GNAT3: variants seen among roughly 807,000 people sequenced by gnomAD.
GNAT3 encodes G protein subunit alpha transducin 3, also known as guanine nucleotide-binding protein G(t) subunit alpha-3.
A neutral mutation model predicts 37.7 loss-of-function variants in GNAT3; 31 were observed. That is an observed-to-expected ratio of 0.82 (90% confidence interval 0.62 to 1.11). The LOEUF is 1.11. Ranked by LOEUF, GNAT3 falls within the 50% of genes most tolerant of loss-of-function variation. The pLI is 0.00. For synonymous variants in GNAT3, 138 were observed against 139.8 expected (o/e 0.99, Z 0.09); for missense variants, 437 against 412.5 (o/e 1.06, Z -0.51).
intron 7 of GNAT3, among the ~76,000 whole-genome samples, chr7:80,461,857 C>G (rs1343996884): frequency 2.6e-5 from 4 of 152,272 alleles, no homozygotes; most frequent in African/African-American, 9.6e-5. Flanking sequence ...ATAAGATTTG[C>G]ATTCCTGTTA....
At chr7:80,495,549 G>A (rs1309016360) in intron 1 of GNAT3, among the ~76,000 whole-genome samples, 1 of 151,380 alleles carries the variant, frequency 6.6e-6, no homozygotes, top group Non-Finnish European at 1.5e-5. Context: ...AGCTCACTGC[G>A]ACCTCCACCT....
chr7:80,507,661 T>C (rs2116234131), intron 1 of GNAT3, among the ~76,000 whole-genome samples: 1 of 152,150 alleles, frequency 6.6e-6, no homozygotes, highest in Middle Eastern at 3.4e-3. Context: ...CCTCAGGTGA[T>C]TTAAAAATGC....
intron 1 of GNAT3, among the ~76,000 whole-genome samples, chr7:80,494,981 C>T (rs891158442): frequency 5.9e-5 from 9 of 152,168 alleles, no homozygotes; most frequent in South Asian, 2.1e-4. Flanking sequence ...TGAGAACATA[C>T]GGTATTTGAC....
chr7:80,464,407 G>A (rs962202935), intron 5 of GNAT3, among the ~76,000 whole-genome samples: 1 of 152,102 alleles, frequency 6.6e-6, no homozygotes, highest in Non-Finnish European at 1.5e-5. Context: ...TACTTCAGGA[G>A]TGAGCCTCAT....
chr7:80,483,337 G>T (rs555508628), intron 3 of GNAT3, among the ~76,000 whole-genome samples: 1 of 151,928 alleles, frequency 6.6e-6, no homozygotes, highest in Non-Finnish European at 1.5e-5. Context: ...ATAATTTAAA[G>T]AATTACAATT....
rs12112912 is a variant in GNAT3, at chr7:80,489,597, G to C, written c.162-921C>G. Among the ~76,000 whole-genome samples, 615 of 152,136 alleles carry C rather than the reference G, an allele frequency of 4.0e-3. 4 individuals are homozygous for C. The highest frequency in any genetic ancestry group is 0.014 in the African/African-American group (575 of 41,516). Reference sequence around the variant, plus strand: ...TAGAAGCTTCCTATACAAGAAATCTGAACTGAAAGGAGTAAAGGCACAGCC... The same window carrying C: ...TAGAAGCTTCCTATACAAGAAATCTCAACTGAAAGGAGTAAAGGCACAGCC... On this transcript the variant is annotated intron_variant, in intron 2 of 7. Coordinates refer to ENST00000398291, the MANE Select transcript of GNAT3 (RefSeq NM_001102386.3).
chr7:80,511,715 G>A, intron 1 of GNAT3, 94 bp downstream of exon 1: 1 of 707,756 alleles, frequency 1.4e-6, no homozygotes, highest in South Asian at 1.8e-5. Context: ...TTTCCCATAT[G>A]ATAATACACT....
At chr7:80,489,557 T>A (rs1790552562) in intron 2 of GNAT3, among the ~76,000 whole-genome samples, 1 of 152,156 alleles carries the variant, frequency 6.6e-6, no homozygotes, top group Non-Finnish European at 1.5e-5. Context: ...ACCTCTTTAA[T>A]GTCTTTGAAG....
chr7:80,495,064 G>A (rs1790689921), intron 1 of GNAT3, among the ~76,000 whole-genome samples: 1 of 151,682 alleles, frequency 6.6e-6, no homozygotes, highest in African/African-American at 2.4e-5. Flanking sequence ...AGACATCAAA[G>A]ACATGATTTT....
intron 1 of GNAT3, among the ~76,000 whole-genome samples, chr7:80,504,698 C>G: frequency 6.6e-6 from 1 of 152,098 alleles, no homozygotes; most frequent in East Asian, 1.9e-4. Context: ...GAATTTATAG[C>G]ACAAAGGCTG....
At chr7:80,465,404 T>G (rs1258609750) in intron 5 of GNAT3, among the ~76,000 whole-genome samples, 1 of 152,142 alleles carries the variant, frequency 6.6e-6, no homozygotes, top group African/African-American at 2.4e-5. Flanking sequence ...TTAACTCATT[T>G]AAACCTCTTC....
intron 5 of GNAT3, among the ~76,000 whole-genome samples, chr7:80,472,331 C>T (rs377603298): frequency 3.3e-5 from 5 of 152,212 alleles, no homozygotes; most frequent in East Asian, 1.9e-4. Flanking sequence ...AGCCCTCCAT[C>T]GCCTTACTGC....
intron 2 of GNAT3, among the ~76,000 whole-genome samples, chr7:80,493,927 C>G (rs906388663): frequency 5.3e-5 from 8 of 151,172 alleles, no homozygotes; most frequent in Admixed American, 6.6e-5. Context: ...TCCTCCTCCT[C>G]CTTCTCTTCC....
chr7:80,488,703 G>A (rs1187601526), intron 2 of GNAT3, 27 bp from the exon 3 acceptor site: 2 of 1,520,632 alleles, frequency 1.3e-6, no homozygotes, highest in African/African-American at 1.4e-5. Flanking sequence ...AAAAGTTTCT[G>A]TGAGTTGAAT....
intron 7 of GNAT3, among the ~76,000 whole-genome samples, chr7:80,461,622 G>C (rs1218136041): frequency 6.6e-6 from 1 of 151,906 alleles, no homozygotes; most frequent in East Asian, 1.9e-4. Context: ...CTTTCTGAAG[G>C]AGAAACAGCC....
intron 7 of GNAT3, among the ~76,000 whole-genome samples, chr7:80,459,883 G>C (rs1283433289): frequency 6.6e-6 from 1 of 152,196 alleles, no homozygotes; most frequent in Non-Finnish European, 1.5e-5. Context: ...TTAATTGCTT[G>C]TGGAAATGCA....
In GNAT3 at chr7:80,493,717, T is replaced by A. The variant is rs9770090; in HGVS notation, c.161+888A>T. ...TCCTCCTCCTCTTTGTTCCTCCTCC[T>A]TCTCTTTCCTCCTCCTCCTCCTCTT... On this transcript the variant is annotated intron_variant, in intron 2 of 7. Transcript: ENST00000398291. Among the ~76,000 whole-genome samples the A allele has an allele frequency of 2.7e-4, 33 of 121,196 alleles. 1 individual carries two copies. Among genetic ancestry groups the A allele is most frequent in the African/African-American group, 9.8e-4 (29 of 29,584 alleles). The allele number at this position is 121,196 out of a possible 152,430, so 79.5% of individuals were successfully genotyped here. A position where few individuals can be genotyped will look rare whatever the true frequency, so the allele number is the denominator to read the frequency against.
chr7:80,462,414 A>C, intron 6 of GNAT3, 88 bp downstream of exon 6: 1 of 1,561,548 alleles, frequency 6.4e-7, no homozygotes, highest in Non-Finnish European at 8.8e-7. Context: ...ATCTTTGGCA[A>C]ACCTTCATGA....
chr7:80,484,096 G>A (rs1790436409), intron 3 of GNAT3, among the ~76,000 whole-genome samples: 1 of 151,938 alleles, frequency 6.6e-6, no homozygotes. Context: ...ATTCTCTTAA[G>A]ATTGTGTAAC....
Sources: gnomAD v4.1 joint callset for allele counts (sites outside exome capture counted in the v4.1 genomes callset) on GRCh38, gnomAD v4.1.1 for gene constraint, MANE v1.5 for transcripts, NCBI Gene and HGNC (gene_info 2026-07-23, HGNC 2026-07-21) for gene names.